The following SLC5A11 variants were observed in gnomAD, a reference collection of about 807,000 sequenced individuals.
SLC5A11 encodes solute carrier family 5 member 11.
In SLC5A11, 48 loss-of-function variants were observed where a neutral mutation model predicts 69.8. That is an observed-to-expected ratio of 0.69 (90% CI 0.55 to 0.87). The LOEUF is 0.87. Among genes scored for constraint, SLC5A11 ranks in the 40% least tolerant of loss-of-function variants. The pLI, the probability that SLC5A11 is intolerant of heterozygous loss-of-function variation, is 0.00. For synonymous variants in SLC5A11, 319 were observed against 342.4 expected (o/e 0.93, Z 0.75); for missense variants, 784 against 866.1 (o/e 0.91, Z 1.19).
In SLC5A11 at chr16:24,905,637, C is replaced by T. The variant is rs1304275010; in HGVS notation, c.1007-1020C>T. Among the ~76,000 whole-genome samples the T allele has an allele frequency of 1.5e-4, 12 of 80,846 alleles. No individual in the cohort carries two copies. The East Asian group carries it at 1.6e-3, about 11-fold the overall frequency. The allele number at this position is 80,846 out of a possible 152,430, so 53.0% of individuals were successfully genotyped here. A position where few individuals can be genotyped will look rare whatever the true frequency, so the allele number is the denominator to read the frequency against. ...ACCCCATCTCAAAAACACGCGCGCG[C>T]GCGCACACACACACACACACACACA... On this transcript the variant is annotated intron_variant, in intron 10 of 15. Transcript: ENST00000347898.
chr16:24,898,407 G>T (rs2049333946), intron 10 of SLC5A11, among the ~76,000 whole-genome samples: 1 of 151,622 alleles, frequency 6.6e-6, no homozygotes, highest in South Asian at 2.1e-4. Context: ...ATGCTGTCTT[G>T]CTATGTTGCT....
chr16:24,902,103 CTG>C (rs2049673378), intron 10 of SLC5A11, among the ~76,000 whole-genome samples: 1 of 152,110 alleles, frequency 6.6e-6, no homozygotes, highest in African/African-American at 2.4e-5. Flanking sequence ...CAAAGTGAGA[CTG>C]TGTCTCAGAA....
intron 10 of SLC5A11, among the ~76,000 whole-genome samples, chr16:24,898,762 C>T (rs953263566): frequency 6.6e-6 from 1 of 152,188 alleles, no homozygotes; most frequent in African/African-American, 2.4e-5. Context: ...TCGTGATCCA[C>T]CCACCTTGGC....
At chr16:24,894,618 A>G (rs12925904) in intron 9 of SLC5A11, among the ~76,000 whole-genome samples, 30,202 of 151,688 alleles carry the variant, frequency 0.2, 3,691 homozygotes, top group South Asian at 0.42. Flanking sequence ...TGGCTAACAC[A>G]GTGAAACCCC....
chr16:24,866,592 A>T lies in SLC5A11; in HGVS notation c.208-3309A>T, dbSNP rs533795477. 6.0e-4 allele frequency among the ~76,000 whole-genome samples: 91 copies of T among 151,750 alleles called. 1 individual carries two copies. Among genetic ancestry groups the T allele is most frequent in the African/African-American group, 2.1e-3 (85 of 41,422 alleles). On this transcript the variant is annotated intron_variant, in intron 3 of 15. Coordinates refer to ENST00000347898, the Ensembl canonical transcript of SLC5A11. ...ATCCTGTCTAAAAAAAAAAAAAAAG[A>T]TACGAATGACTGAAAGTAAAAGTAA...
intron 7 of SLC5A11, among the ~76,000 whole-genome samples, chr16:24,881,199 CAAATTA>C (rs2048023894): frequency 6.9e-6 from 1 of 145,414 alleles, no homozygotes; most frequent in South Asian, 2.2e-4. Context: ...GAGCGAAACT[CAAATTA>C]AAAAAAAAAA....
intron 10 of SLC5A11, among the ~76,000 whole-genome samples, chr16:24,904,360 C>G (rs2152411103): frequency 6.6e-6 from 1 of 152,312 alleles, no homozygotes; most frequent in East Asian, 1.9e-4. Flanking sequence ...TAATTTACAT[C>G]TCCACCAACA....
chr16:24,858,780 T>C lies in SLC5A11; in HGVS notation c.135+2T>C. On this transcript the variant is annotated splice_donor_variant, in intron 2 of 15. Coordinates refer to ENST00000347898, the Ensembl canonical transcript of SLC5A11. LOFTEE classifies it high-confidence loss of function. ...TTTGTCCTGGCTGTTGGACTATGGGTAAGCCAGGCCACTGGGGGATGGGGG... is the reference window on the plus strand; with the variant it reads ...TTTGTCCTGGCTGTTGGACTATGGGCAAGCCAGGCCACTGGGGGATGGGGG... 2 of 1,609,352 alleles carry C rather than the reference T, an allele frequency of 1.2e-6. No individual in the cohort carries two copies. The highest frequency in any genetic ancestry group is 1.7e-6 in the Non-Finnish European group (2 of 1,177,926).
chr16:24,876,750 G>A (rs952370910), intron 6 of SLC5A11, among the ~76,000 whole-genome samples: 1 of 152,232 alleles, frequency 6.6e-6, no homozygotes, highest in Admixed American at 6.5e-5. Context: ...GGAACTTACA[G>A]TTAGAGAAAG....
chr16:24,877,491 C>A, intron 7 of SLC5A11, 128 bp downstream of exon 8: 1 of 634,268 alleles, frequency 1.6e-6, no homozygotes, highest in Non-Finnish European at 2.7e-6. Context: ...AAACGTCACT[C>A]CTTTACCCTA....
intron 6 of SLC5A11, among the ~76,000 whole-genome samples, 155 bp downstream of exon 7, chr16:24,875,886 C>T (rs1052797916): frequency 2.6e-5 from 4 of 151,874 alleles, no homozygotes; most frequent in African/African-American, 4.8e-5. Context: ...GGGAGGTAAG[C>T]GTGGACAGAG....
At chr16:24,875,895 A>G (rs2047642183) in intron 6 of SLC5A11, among the ~76,000 whole-genome samples, 164 bp downstream of exon 7, 1 of 152,176 alleles carries the variant, frequency 6.6e-6, no homozygotes, top group Admixed American at 6.5e-5. Flanking sequence ...GCGTGGACAG[A>G]GGGAATTGGG....
chr16:24,852,992 A>G (rs529662526), intron 1 of SLC5A11, among the ~76,000 whole-genome samples: 101 of 151,732 alleles, frequency 6.7e-4, no homozygotes, highest in African/African-American at 2.3e-3. Flanking sequence ...TGTTTGTTCT[A>G]TTGAGTCCCC....
chr16:24,876,807 A>G (rs971552872), intron 6 of SLC5A11, among the ~76,000 whole-genome samples: 6 of 152,204 alleles, frequency 3.9e-5, no homozygotes, highest in Admixed American at 1.3e-4. Context: ...GAAATCTGGG[A>G]GGCCCAGGTA....
At chr16:24,890,883 G>A in exon 9 of SLC5A11, 3 of 1,614,120 alleles carry the variant, frequency 1.9e-6, no homozygotes, top group East Asian at 2.2e-5. Context: ...CGCCGCGGTT[G>A]GTGGGATGGA....
chr16:24,910,231 G>C, intron 14 of SLC5A11, 75 bp from the exon 16 acceptor site: 1 of 1,476,760 alleles, frequency 6.8e-7, no homozygotes, highest in Middle Eastern at 2.4e-4. Flanking sequence ...GGGTTGGGTG[G>C]GGAGTGTGAG....
chr16:24,862,898 A>G lies in SLC5A11; in HGVS notation c.207+226A>G, dbSNP rs111661125. 0.075 allele frequency among the ~76,000 whole-genome samples: 10,825 copies of G among 143,682 alleles called. 849 individuals are homozygous for G. Among genetic ancestry groups the G allele is most frequent in the East Asian group, 0.27 (1,358 of 5,072 alleles). The allele number at this position is 143,682 out of a possible 152,430, so 94.3% of individuals were successfully genotyped here. ...AAATCTGGAGTTAGGTTTTAAAAAT[A>G]TATATTTATATAAATATATTTATAT... On this transcript the variant is annotated intron_variant, in intron 3 of 15. Transcript: ENST00000347898.
intron 3 of SLC5A11, among the ~76,000 whole-genome samples, chr16:24,863,907 T>C (rs1223902881): frequency 6.6e-6 from 1 of 152,188 alleles, no homozygotes; most frequent in Non-Finnish European, 1.5e-5. Context: ...GTCACTGTTT[T>C]ACCCGTCACC....
intron 9 of SLC5A11, among the ~76,000 whole-genome samples, chr16:24,896,515 A>T (rs2049176691): frequency 6.6e-6 from 1 of 152,150 alleles, no homozygotes; most frequent in African/African-American, 2.4e-5. Flanking sequence ...AAGGCATTTT[A>T]AAAAATTTAC....
Sources: allele counts gnomAD v4.1 joint callset (sites outside exome capture counted in the v4.1 genomes callset), GRCh38; gene constraint gnomAD v4.1.1; transcripts MANE v1.5; gene names NCBI Gene and HGNC (gene_info 2026-07-23, HGNC 2026-07-21).